PPP2R3A: variants seen among roughly 807,000 people sequenced by gnomAD.
PPP2R3A encodes the protein serine/threonine-protein phosphatase 2A regulatory subunit B'' subunit alpha.
A neutral mutation model predicts 106.9 loss-of-function variants in PPP2R3A; 80 were observed. The ratio of observed to expected loss-of-function variants is 0.75; its 90% confidence interval spans 0.62 to 0.90. The LOEUF is 0.90. PPP2R3A is among the 40% of genes least tolerant of loss of function. The probability of loss-of-function intolerance (pLI) is 0.00; values close to 1 mark genes in which losing one functional copy is unlikely to be tolerated. For missense variants in PPP2R3A, 1,386 were observed against 1,350.4 expected, an observed-to-expected ratio of 1.03 and a Z score of -0.41; for synonymous variants, 483 against 468.3, an observed-to-expected ratio of 1.03 and a Z score of -0.41.
At chr3:136,060,596 C>G (rs557709683) in intron 5 of PPP2R3A, among the ~76,000 whole-genome samples, 2 of 152,254 alleles carry the variant, frequency 1.3e-5, no homozygotes, top group South Asian at 4.1e-4. Context: ...CTTGCTTCCC[C>G]TTCGCCTTTC....
At position 136,102,093 on chromosome 3, in the gene PPP2R3A, G is replaced by A. The variant is rs762577242; in HGVS notation, c.3014G>A (p.Cys1005Tyr). The part of the protein sequence containing the change: ...YELEYFYEEQ[C>Y]ERMEAMGIEP... ...CTGGAGTACTTCTATGAGGAGCAGTGTGAACGGATGGAAGCCATGGGAATT... is the reference window on the plus strand; with the variant it reads ...CTGGAGTACTTCTATGAGGAGCAGTATGAACGGATGGAAGCCATGGGAATT... Residue 1005 changes from cysteine to tyrosine, a missense_variant, in exon 11 of 14, where the codon TGT becomes TAT. By Grantham distance (194) the Cys-to-Tyr change is radical (BLOSUM62 -2). Coordinates refer to ENST00000264977, the MANE Select transcript of PPP2R3A (RefSeq NM_002718.5). The A allele has an allele frequency of 6.2e-7, 1 of 1,614,080 alleles. No homozygotes were observed. Among genetic ancestry groups the A allele is most frequent in the South Asian group, 1.1e-5 (1 of 91,070 alleles).
chr3:135,969,370 T>C (rs1160008177), intron 1 of PPP2R3A, among the ~76,000 whole-genome samples: 4 of 152,168 alleles, frequency 2.6e-5, no homozygotes, highest in Admixed American at 2.6e-4. Context: ...TGGTGGTTGA[T>C]ATGGTACAAG....
chr3:135,999,080 G>A (rs1016551134), intron 1 of PPP2R3A, among the ~76,000 whole-genome samples: 2 of 152,090 alleles, frequency 1.3e-5, no homozygotes, highest in East Asian at 1.9e-4. Context: ...TGAGCACTCC[G>A]AAGACATCAC....
chr3:136,041,679 A>G lies in PPP2R3A; in HGVS notation c.2366+717A>G, dbSNP rs539360013. ...AATACATTTTCATTCCCATAGATCC[A>G]ATTTAGAATTATATATAGTTGATTT... On this transcript the variant is annotated intron_variant, in intron 4 of 13. Transcript: ENST00000264977. Among the ~76,000 whole-genome samples, 8 of 152,240 alleles carry G rather than the reference A, an allele frequency of 5.3e-5. No homozygotes were observed. The South Asian group carries it at 1.7e-3, about 32-fold the overall frequency.
intron 6 of PPP2R3A, among the ~76,000 whole-genome samples, chr3:136,072,991 G>T (rs930838940): frequency 6.6e-6 from 1 of 151,744 alleles, no homozygotes; most frequent in Non-Finnish European, 1.5e-5. Flanking sequence ...TTTTTGAGAC[G>T]GAGTCTCACT....
chr3:136,112,962 G>A (rs375566361), intron 13 of PPP2R3A, among the ~76,000 whole-genome samples: 7 of 151,864 alleles, frequency 4.6e-5, no homozygotes, highest in African/African-American at 1.2e-4. Context: ...ATAAAACCCC[G>A]TCTCTACTAA....
intron 13 of PPP2R3A, 167 bp downstream of exon 13, chr3:136,106,489 C>G: frequency 1.6e-6 from 1 of 620,980 alleles, no homozygotes; most frequent in Non-Finnish European, 2.8e-6. Flanking sequence ...GCAATCTTCA[C>G]TCATTTCCTG....
chr3:135,974,425 G>T (rs942259874), intron 1 of PPP2R3A, among the ~76,000 whole-genome samples: 1 of 152,114 alleles, frequency 6.6e-6, no homozygotes, highest in Admixed American at 6.5e-5. Flanking sequence ...CTCAGCAGCC[G>T]GAGGAATCTT....
intron 13 of PPP2R3A, among the ~76,000 whole-genome samples, chr3:136,135,031 A>G (rs961880051): frequency 6.6e-6 from 1 of 152,214 alleles, no homozygotes; most frequent in Non-Finnish European, 1.5e-5. Context: ...ATCTAAAGAG[A>G]ATAAATAATT....
intron 10 of PPP2R3A, among the ~76,000 whole-genome samples, chr3:136,095,945 T>G (rs908775102): frequency 5.3e-5 from 8 of 152,168 alleles, no homozygotes; most frequent in Non-Finnish European, 1.2e-4. Flanking sequence ...AAGTCAAAAA[T>G]TATTTAATAC....
At chr3:135,994,217 A>G (rs947513361) in intron 1 of PPP2R3A, among the ~76,000 whole-genome samples, 1 of 152,202 alleles carries the variant, frequency 6.6e-6, no homozygotes, top group African/African-American at 2.4e-5. Context: ...TCTCTAGAAA[A>G]AGATTCTTTA....
At chr3:136,117,915 C>CA (rs1937839193) in intron 13 of PPP2R3A, among the ~76,000 whole-genome samples, 2 of 152,014 alleles carry the variant, frequency 1.3e-5, no homozygotes, top group Admixed American at 1.3e-4. Flanking sequence ...CTGCCAGAGA[C>CA]ACAACAAAAA....
chr3:136,111,206 A>C (rs1453844843), intron 13 of PPP2R3A, among the ~76,000 whole-genome samples: 9 of 152,224 alleles, frequency 5.9e-5, no homozygotes, highest in African/African-American at 9.6e-5. Flanking sequence ...ATAAGTATTG[A>C]TCACAGATAT....
intron 1 of PPP2R3A, among the ~76,000 whole-genome samples, chr3:135,986,930 T>C (rs1932947203): frequency 1.3e-5 from 2 of 152,206 alleles, no homozygotes; most frequent in South Asian, 4.1e-4. Context: ...GAGTTATTTA[T>C]GTTCTGTTGC....
At chr3:136,079,113 C>T (rs78249583) in intron 7 of PPP2R3A, 14,450 of 442,732 alleles carry the variant, frequency 0.033, 1,506 homozygotes, top group African/African-American at 0.24. Context: ...TACAACCTTA[C>T]TTACTCTTTA....
intron 5 of PPP2R3A, among the ~76,000 whole-genome samples, chr3:136,056,550 A>C (rs149413807): frequency 6.6e-6 from 1 of 152,284 alleles, no homozygotes; most frequent in Admixed American, 6.5e-5. Flanking sequence ...AGAACCGTAA[A>C]ACAAAACCTT....
At chr3:136,040,742 C>T in intron 3 of PPP2R3A, 117 bp from the exon 4 acceptor site, 3 of 725,702 alleles carry the variant, frequency 4.1e-6, no homozygotes, top group Non-Finnish European at 6.4e-6. Context: ...TTTTGTTCTC[C>T]TGAGGGCTCT....
intron 1 of PPP2R3A, among the ~76,000 whole-genome samples, chr3:135,995,365 ACT>A (rs1933345469): frequency 1.3e-5 from 2 of 151,326 alleles, no homozygotes; most frequent in Non-Finnish European, 1.5e-5. Context: ...TTAAGAAAAA[ACT>A]CTATTGATTA....
intron 4 of PPP2R3A, among the ~76,000 whole-genome samples, chr3:136,045,149 G>C (rs145444261): frequency 7.0e-4 from 107 of 152,260 alleles, no homozygotes; most frequent in African/African-American, 2.5e-3. Context: ...CCCCTCCCAG[G>C]GCTCCTGTCT....
Sources: gnomAD v4.1 joint callset for allele counts (sites outside exome capture counted in the v4.1 genomes callset) on GRCh38, gnomAD v4.1.1 for gene constraint, MANE v1.5 for transcripts, NCBI Gene and HGNC (gene_info 2026-07-23, HGNC 2026-07-21) for gene names.